Variants in SLC39A10 observed in about 807,000 individuals in gnomAD.
SLC39A10 encodes the protein zinc transporter ZIP10.
Under a neutral mutation model 65.1 loss-of-function variants are expected in SLC39A10, and 13 were observed. The ratio of observed to expected loss-of-function variants is 0.20; its 90% confidence interval spans 0.13 to 0.32. The LOEUF is 0.32. Ranked by LOEUF, SLC39A10 falls within the 10% of genes least tolerant of loss-of-function variation. The probability of loss-of-function intolerance (pLI) is 1.00; values close to 1 mark genes in which losing one functional copy is unlikely to be tolerated. For missense variants in SLC39A10, 831 were observed against 1,018.4 expected (o/e 0.82, Z 2.50); for synonymous variants, 321 against 342.2 (o/e 0.94, Z 0.68).
Position 195,736,102 on chromosome 2 carries a change from AAC to A in SLC39A10, c.*1063_*1064del, listed in dbSNP as rs1398995465. 3 of 152,586 alleles carry A rather than the reference AAC, an allele frequency of 2.0e-5. No individual in the cohort carries two copies. The highest frequency in any genetic ancestry group is 2.0e-4 in the Admixed American group (3 of 15,266). 9.5% of individuals were successfully genotyped at this position (152,586 alleles called of 1,614,324 possible). A position where few individuals can be genotyped will look rare whatever the true frequency, so the allele number is the denominator to read the frequency against. ...ATGTGTACATGAAGTGTCAATTTAGAACAGTTACTAGGATAAACTCCATTATT... is the reference window on the plus strand; with the variant it reads ...ATGTGTACATGAAGTGTCAATTTAGAAGTTACTAGGATAAACTCCATTATT... On this transcript the variant is annotated 3_prime_UTR_variant, in exon 10 of 10. Transcript: ENST00000359634.
intron 7 of SLC39A10, chr2:195,717,429 A>G (rs1691860467): frequency 6.3e-6 from 1 of 158,154 alleles, no homozygotes; most frequent in South Asian, 1.9e-4. Flanking sequence ...ATATATTAGT[A>G]TCTTGCTAGA....
intron 1 of SLC39A10, among the ~76,000 whole-genome samples, chr2:195,665,647 AGTT>A (rs1180007300): frequency 6.6e-6 from 1 of 152,104 alleles, no homozygotes; most frequent in Non-Finnish European, 1.5e-5. Flanking sequence ...AGAATCAAAT[AGTT>A]GTGTGAAGTT....
In SLC39A10 at chr2:195,728,364, A is replaced by G. The variant is rs377525437; in HGVS notation, c.2337+15A>G. ...TGGTGGATATGGTAAGATATTTTAT[A>G]TTTTTTTGTGGTACTAAACCTGCAA... On this transcript the variant is annotated intron_variant, in intron 9 of 9. Coordinates refer to ENST00000359634, the MANE Select transcript of SLC39A10 (RefSeq NM_020342.3). This position sits in a 1 kb window ranked among gnomAD's most constrained non-coding sequence, Gnocchi z 4.4. 5.0e-6 allele frequency: 8 copies of G among 1,602,338 alleles called. No individual in the cohort carries two copies. The highest frequency in any genetic ancestry group is 1.7e-4 in the Middle Eastern group (1 of 6,018).
intron 4 of SLC39A10, 112 bp from the exon 5 acceptor site, chr2:195,708,544 C>A: frequency 2.4e-6 from 2 of 839,214 alleles, no homozygotes; most frequent in Non-Finnish European, 3.5e-6. Flanking sequence ...CACTTTAAAA[C>A]TTGAAAGGTA....
At chr2:195,678,785 G>C in intron 1 of SLC39A10, among the ~76,000 whole-genome samples, 1 of 151,900 alleles carries the variant, frequency 6.6e-6, no homozygotes, top group Non-Finnish European at 1.5e-5. Flanking sequence ...ATACATGACA[G>C]ATTTCAAAGA....
At chr2:195,632,457 G>T (rs915941682) in intron 2 of SLC39A10, among the ~76,000 whole-genome samples, 1 of 151,624 alleles carries the variant, frequency 6.6e-6, no homozygotes, top group South Asian at 2.1e-4. Context: ...TTGCCACCAC[G>T]CCTGGTTAAT....
At chr2:195,653,786 G>C (rs908312961), upstream of SLC39A10, among the ~76,000 whole-genome samples, 3 of 152,320 alleles carry the variant, frequency 2.0e-5, no homozygotes, top group Admixed American at 2.0e-4. Context: ...TTTGTCTAAA[G>C]TAAACTTTTA....
chr2:195,651,090 T>C (rs541279789), intron 2 of SLC39A10, among the ~76,000 whole-genome samples: 1 of 151,834 alleles, frequency 6.6e-6, no homozygotes, highest in African/African-American at 2.4e-5. Flanking sequence ...GTTTTTTTTT[T>C]TTTATTTAGA....
upstream of SLC39A10, among the ~76,000 whole-genome samples, chr2:195,655,475 G>T (rs934911): frequency 1 from 152,007 of 152,370 alleles, 75,829 homozygotes; most frequent in Middle Eastern, 1. Context: ...AATAAAATAA[G>T]TATGAGCCAT....
Sources: gnomAD v4.1 joint callset for allele counts (sites outside exome capture counted in the v4.1 genomes callset) on GRCh38, gnomAD v4.1.1 for gene constraint, Gnocchi (gnomAD v3.1) non-coding constraint, MANE v1.5 for transcripts, NCBI Gene and HGNC (gene_info 2026-07-23, HGNC 2026-07-21) for gene names.